EPHA6: variants seen among roughly 807,000 people sequenced by gnomAD.
The protein encoded by EPHA6 is EPH receptor A6.
In EPHA6, 50 loss-of-function variants were observed where a neutral mutation model predicts 112.0. The observed-to-expected ratio is 0.45, with a 90% CI of 0.36 to 0.56. The LOEUF (loss-of-function observed/expected upper bound fraction) is 0.56. Among genes scored for constraint, EPHA6 ranks in the 20% least tolerant of loss-of-function variants. The probability of loss-of-function intolerance (pLI) is 0.00; values close to 1 mark genes in which losing one functional copy is unlikely to be tolerated. For synonymous variants in EPHA6, 529 were observed against 490.7 expected, an observed-to-expected ratio of 1.08 and a Z score of -1.03; for missense variants, 1,280 against 1,417.4, an observed-to-expected ratio of 0.90 and a Z score of 1.56.
intron 10 of EPHA6, among the ~76,000 whole-genome samples, chr3:97,527,587 C>T (rs1339780415): frequency 6.6e-6 from 1 of 152,074 alleles, no homozygotes; most frequent in African/African-American, 2.4e-5. Context: ...CTATATTGGA[C>T]AGATGAGATT....
At chr3:97,253,735 T>C (rs966931621) in intron 5 of EPHA6, among the ~76,000 whole-genome samples, 4 of 152,090 alleles carry the variant, frequency 2.6e-5, no homozygotes, top group Admixed American at 1.3e-4. Flanking sequence ...ATATCCTAAA[T>C]AGGTATTAGT....
intron 15 of EPHA6, among the ~76,000 whole-genome samples, chr3:97,729,097 A>C (rs1266692388): frequency 6.6e-6 from 1 of 152,116 alleles, no homozygotes; most frequent in African/African-American, 2.4e-5. Flanking sequence ...AATCTGAAAA[A>C]GAAAATCTTA....
At position 97,707,091 on chromosome 3, in the gene EPHA6, C is replaced by G. The variant is rs1467613474; in HGVS notation, c.2785-13170C>G. Among the ~76,000 whole-genome samples the G allele has an allele frequency of 3.3e-5, 5 of 151,810 alleles. No individual in the cohort carries two copies. The East Asian group carries it at 9.6e-4, about 29-fold the overall frequency. On this transcript the variant is annotated intron_variant, in intron 14 of 17. Transcript: ENST00000389672. ...GAGAAATCCCTGCTTTCTTTTTTTCCTTATCATTAATCAAAGTCATAATGA... is the reference window on the plus strand; with the variant it reads ...GAGAAATCCCTGCTTTCTTTTTTTCGTTATCATTAATCAAAGTCATAATGA...
chr3:97,301,248 C>T (rs961194804), intron 5 of EPHA6, among the ~76,000 whole-genome samples: 1 of 152,060 alleles, frequency 6.6e-6, no homozygotes, highest in African/African-American at 2.4e-5. Context: ...CTACTTATTC[C>T]ACAATCCAGA....
intron 2 of EPHA6, among the ~76,000 whole-genome samples, chr3:96,945,593 C>A (rs963687332): frequency 6.6e-6 from 1 of 151,936 alleles, no homozygotes; most frequent in African/African-American, 2.4e-5. Flanking sequence ...TAAAATAACT[C>A]GATATTACCT....
intron 2 of EPHA6, among the ~76,000 whole-genome samples, chr3:96,913,205 CACACACA>C (rs2039313397): frequency 1.7e-5 from 2 of 120,432 alleles, no homozygotes; most frequent in African/African-American, 6.3e-5. Flanking sequence ...CACACACACA[CACACACA>C]CCACACACAC....
chr3:97,305,546 A>G (rs1268514028), intron 5 of EPHA6, among the ~76,000 whole-genome samples: 1 of 151,958 alleles, frequency 6.6e-6, no homozygotes, highest in Admixed American at 6.6e-5. Context: ...CATAAAAAGG[A>G]ATGATAACAT....
At chr3:97,295,818 A>T (rs1234913549) in intron 5 of EPHA6, among the ~76,000 whole-genome samples, 1 of 151,728 alleles carries the variant, frequency 6.6e-6, no homozygotes, top group Non-Finnish European at 1.5e-5. Flanking sequence ...TGATTTCCTC[A>T]GTGTGTTAGT....
In EPHA6 at chr3:96,925,193, AT is replaced by A. The variant is rs548982362; in HGVS notation, c.450+58310del. ...GTCAGGGAGGAGTCCCTCCTTTTTA[AT>A]TTTTTGGAATAGTTTCATTAGAAAT... On this transcript the variant is annotated intron_variant, in intron 2 of 17. Transcript: ENST00000389672. Among the ~76,000 whole-genome samples, 20 of 152,086 alleles carry A rather than the reference AT, an allele frequency of 1.3e-4. No individual in the cohort carries two copies. In the South Asian group the frequency reaches 3.9e-3, roughly 30 times the overall value.
At chr3:96,911,153 G>A (rs1259009099) in intron 2 of EPHA6, among the ~76,000 whole-genome samples, 3 of 152,008 alleles carry the variant, frequency 2.0e-5, no homozygotes, top group Non-Finnish European at 2.9e-5. Flanking sequence ...TAATTATTTA[G>A]CTACAGTTTT....
chr3:97,336,187 AG>A (rs1389624133), intron 5 of EPHA6, among the ~76,000 whole-genome samples: 2 of 152,146 alleles, frequency 1.3e-5, no homozygotes, highest in African/African-American at 2.4e-5. Flanking sequence ...CCAGGTAGAA[AG>A]GGGGTTTGGT....
chr3:96,925,006 A>G (rs2107639655), intron 2 of EPHA6, among the ~76,000 whole-genome samples: 1 of 152,204 alleles, frequency 6.6e-6, no homozygotes, highest in South Asian at 2.1e-4. Context: ...GTGGTGGATA[A>G]TTGTTTTGAT....
At chr3:96,932,064 G>A (rs1030938931) in intron 2 of EPHA6, among the ~76,000 whole-genome samples, 1 of 152,100 alleles carries the variant, frequency 6.6e-6, no homozygotes, top group African/African-American at 2.4e-5. Context: ...TTGGTTTCCT[G>A]GCAGGGTCAC....
At chr3:96,837,430 G>C (rs567085378) in intron 1 of EPHA6, among the ~76,000 whole-genome samples, 1 of 152,068 alleles carries the variant, frequency 6.6e-6, no homozygotes, top group Non-Finnish European at 1.5e-5. Flanking sequence ...AGAATCAGCA[G>C]TAAAGGGCAT....
At position 97,265,543 on chromosome 3, in the gene EPHA6, G is replaced by A. The variant is rs539699913; in HGVS notation, c.1606+21256G>A. ...TGCTCTGAGATCAGAGCAAGGACCA[G>A]GAGTAGGGAGATGCCAGGCAGCAGA... On this transcript the variant is annotated intron_variant, in intron 5 of 17. Transcript: ENST00000389672. Among the ~76,000 whole-genome samples, 19 of 152,354 alleles carry A rather than the reference G, an allele frequency of 1.2e-4. No individual in the cohort carries two copies. The South Asian group carries it at 3.9e-3, about 32-fold the overall frequency.
chr3:97,166,155 G>A (rs1383498223), intron 3 of EPHA6, among the ~76,000 whole-genome samples: 2 of 152,028 alleles, frequency 1.3e-5, no homozygotes, highest in Non-Finnish European at 2.9e-5. Flanking sequence ...GCAAACATTC[G>A]GTAATCTTGT....
chr3:97,331,875 GAA>G (rs1383325282), intron 5 of EPHA6, among the ~76,000 whole-genome samples: 1 of 152,086 alleles, frequency 6.6e-6, no homozygotes, highest in African/African-American at 2.4e-5. Flanking sequence ...CTAATCAATA[GAA>G]AAAGAGGGAA....
intron 6 of EPHA6, among the ~76,000 whole-genome samples, chr3:97,426,587 A>G (rs563873684): frequency 6.6e-6 from 1 of 152,214 alleles, no homozygotes; most frequent in Non-Finnish European, 1.5e-5. Context: ...ACCAAAAACT[A>G]TAACATTCCT....
chr3:97,200,309 G>A (rs1222942494), intron 3 of EPHA6, among the ~76,000 whole-genome samples: 4 of 152,004 alleles, frequency 2.6e-5, no homozygotes, highest in African/African-American at 4.8e-5. Context: ...TGGCAAGTCC[G>A]GGAATCAAAC....
Sources: gnomAD v4.1 joint callset for allele counts (sites outside exome capture counted in the v4.1 genomes callset) on GRCh38, gnomAD v4.1.1 for gene constraint, MANE v1.5 for transcripts, NCBI Gene and HGNC (gene_info 2026-07-23, HGNC 2026-07-21) for gene names.